The following PRKG1 variants were observed in gnomAD, a reference collection of about 807,000 sequenced individuals.
The protein encoded by PRKG1 is protein kinase cGMP-dependent 1.
A neutral mutation model predicts 88.1 loss-of-function variants in PRKG1; 35 were observed. The observed-to-expected ratio is 0.40, with a 90% CI of 0.30 to 0.53. PRKG1 has a LOEUF of 0.53. Ranked by LOEUF, PRKG1 falls within the 20% of genes least tolerant of loss-of-function variation. The pLI, the probability that PRKG1 is intolerant of heterozygous loss-of-function variation, is 0.59. For synonymous variants in PRKG1, 303 were observed against 292.5 expected, an observed-to-expected ratio of 1.04 and a Z score of -0.37; for missense variants, 540 against 839.8, an observed-to-expected ratio of 0.64 and a Z score of 4.41.
intron 2 of PRKG1, among the ~76,000 whole-genome samples, chr10:51,344,500 T>G (rs211083): frequency 6.6e-6 from 1 of 152,264 alleles, no homozygotes; most frequent in Non-Finnish European, 1.5e-5. Flanking sequence ...ATTGTACTCA[T>G]ATACAAGGTA....
At chr10:51,635,214 T>C (rs1196185135) in intron 3 of PRKG1, among the ~76,000 whole-genome samples, 1 of 145,510 alleles carries the variant, frequency 6.9e-6, no homozygotes, top group Non-Finnish European at 1.5e-5. Context: ...ATATAAGTCA[T>C]GAAAACAAAA....
chr10:51,326,713 A>G (rs536975275), intron 2 of PRKG1, among the ~76,000 whole-genome samples: 1 of 152,176 alleles, frequency 6.6e-6, no homozygotes, highest in Non-Finnish European at 1.5e-5. Flanking sequence ...CAGCTCACTG[A>G]CTGTCATGTG....
intron 3 of PRKG1, among the ~76,000 whole-genome samples, chr10:51,746,844 CT>C (rs1263943476): frequency 6.6e-6 from 1 of 152,192 alleles, no homozygotes; most frequent in African/African-American, 2.4e-5. Flanking sequence ...TCCTCTTCCT[CT>C]CTCCCAAAGC....
At chr10:51,996,944 T>C (rs753504842) in intron 5 of PRKG1, among the ~76,000 whole-genome samples, 1 of 151,976 alleles carries the variant, frequency 6.6e-6, no homozygotes, top group African/African-American at 2.4e-5. Context: ...AATTCAGCCA[T>C]AAAAAAGGAG....
intron 1 of PRKG1, among the ~76,000 whole-genome samples, chr10:51,029,922 A>G (rs1476156593): frequency 6.6e-6 from 1 of 152,152 alleles, no homozygotes; most frequent in African/African-American, 2.4e-5. Context: ...GAAGATTATG[A>G]TTGCGATAAT....
chr10:51,425,894 C>T (rs1423992561), intron 2 of PRKG1, among the ~76,000 whole-genome samples: 4 of 152,140 alleles, frequency 2.6e-5, no homozygotes, highest in African/African-American at 7.2e-5. Context: ...ATGGCAATTC[C>T]GTAGGCTCTC....
intron 1 of PRKG1, among the ~76,000 whole-genome samples, chr10:51,102,146 A>G (rs939046943): frequency 1.3e-5 from 2 of 152,242 alleles, no homozygotes; most frequent in African/African-American, 4.8e-5. Context: ...TACAATATGC[A>G]AGTGACCTCA....
chr10:51,609,951 A>G (rs1838863161), intron 3 of PRKG1, among the ~76,000 whole-genome samples: 1 of 152,184 alleles, frequency 6.6e-6, no homozygotes, highest in African/African-American at 2.4e-5. Flanking sequence ...ACATTTACCT[A>G]TGTAACCTGC....
At chr10:52,001,293 A>G (rs1366268373) in intron 5 of PRKG1, among the ~76,000 whole-genome samples, 2 of 151,946 alleles carry the variant, frequency 1.3e-5, no homozygotes, top group African/African-American at 2.4e-5. Context: ...CTAATGTACA[A>G]CATGGTGACT....
At chr10:51,218,490 C>CATATATAT (rs869105973) in intron 2 of PRKG1, among the ~76,000 whole-genome samples, 199 of 40,742 alleles carry the variant, frequency 4.9e-3, no homozygotes, top group East Asian at 6.4e-3. Context: ...CATCTATCTT[C>CATATATAT]ATATATATAT....
chr10:52,208,674 A>T (rs1839881625), intron 9 of PRKG1, among the ~76,000 whole-genome samples: 1 of 152,236 alleles, frequency 6.6e-6, no homozygotes, highest in Non-Finnish European at 1.5e-5. Flanking sequence ...AGGAAATTGT[A>T]GAAAGATGAT....
At chr10:51,066,018 G>A (rs553483404) in intron 1 of PRKG1, among the ~76,000 whole-genome samples, 2 of 152,124 alleles carry the variant, frequency 1.3e-5, no homozygotes, top group South Asian at 2.1e-4. Context: ...GATGAGAGGC[G>A]GTAATGGGGA....
intron 3 of PRKG1, among the ~76,000 whole-genome samples, chr10:51,516,801 G>A (rs1392241258): frequency 6.6e-6 from 1 of 152,136 alleles, no homozygotes; most frequent in African/African-American, 2.4e-5. Flanking sequence ...GCCCTTCCAA[G>A]CACTGGAAAT....
chr10:51,672,963 T>G (rs1478535301), intron 3 of PRKG1, among the ~76,000 whole-genome samples: 1 of 152,178 alleles, frequency 6.6e-6, no homozygotes, highest in Non-Finnish European at 1.5e-5. Context: ...GGATCTCAGT[T>G]GTATCTTCTA....
At chr10:51,974,239 G>A (rs762110562) in intron 5 of PRKG1, among the ~76,000 whole-genome samples, 6 of 152,052 alleles carry the variant, frequency 3.9e-5, no homozygotes, top group African/African-American at 1.4e-4. Flanking sequence ...ACAGCATTAG[G>A]GTTCTGTTAG....
At chr10:51,650,113 A>G (rs905640730) in intron 3 of PRKG1, among the ~76,000 whole-genome samples, 2 of 152,088 alleles carry the variant, frequency 1.3e-5, no homozygotes, top group Admixed American at 1.3e-4. Context: ...AACAACTCCT[A>G]GAGGTCAGAA....
chr10:52,150,158 T>TG (rs1286051422), intron 8 of PRKG1, among the ~76,000 whole-genome samples: 9 of 70,296 alleles, frequency 1.3e-4, no homozygotes, highest in Non-Finnish European at 2.9e-4. Context: ...AAAATAATAA[T>TG]AATAATAATA....
At chr10:51,328,880 T>C (rs1224656359) in intron 2 of PRKG1, among the ~76,000 whole-genome samples, 1 of 152,172 alleles carries the variant, frequency 6.6e-6, no homozygotes, top group African/African-American at 2.4e-5. Flanking sequence ...TTTTTTTATT[T>C]GTTTTTTATT....
intron 3 of PRKG1, among the ~76,000 whole-genome samples, chr10:51,537,801 G>A (rs558089593): frequency 4.6e-5 from 7 of 151,720 alleles, no homozygotes; most frequent in Non-Finnish European, 1.0e-4. Context: ...CCCATGGGGA[G>A]TATTCTTTAA....
Sources: gnomAD v4.1 joint callset for allele counts (sites outside exome capture counted in the v4.1 genomes callset) on GRCh38, gnomAD v4.1.1 for gene constraint, MANE v1.5 for transcripts, NCBI Gene and HGNC (gene_info 2026-07-23, HGNC 2026-07-21) for gene names.